The following DLG2 variants were observed in gnomAD, a reference collection of about 807,000 sequenced individuals.
DLG2 encodes the protein disks large homolog 2.
In DLG2, 45 loss-of-function variants were observed where a neutral mutation model predicts 132.5. The ratio of observed to expected loss-of-function variants is 0.34; its 90% CI spans 0.27 to 0.44. The LOEUF (loss-of-function observed/expected upper bound fraction) is 0.44. Among genes scored for constraint, DLG2 ranks in the 20% least tolerant of loss-of-function variants. The pLI, the probability that DLG2 is intolerant of heterozygous loss-of-function variation, is 1.00. For synonymous variants in DLG2, 424 were observed against 419.6 expected (o/e 1.01, Z -0.13); for missense variants, 1,045 against 1,196.9 (o/e 0.87, Z 1.87).
chr11:85,192,161 C>T (rs150499898), intron 4 of DLG2, among the ~76,000 whole-genome samples: 24 of 152,238 alleles, frequency 1.6e-4, no homozygotes, highest in African/African-American at 5.1e-4. Flanking sequence ...CCATTCTTTC[C>T]ACTTACTAGT....
chr11:84,502,450 C>A (rs11234051), intron 7 of DLG2, among the ~76,000 whole-genome samples: 8,059 of 130,566 alleles, frequency 0.062, 665 homozygotes, highest in African/African-American at 0.11. Context: ...AGGCTAAGTG[C>A]AGTGTCTCAA....
At chr11:85,051,099 G>A (rs555055831) in intron 6 of DLG2, among the ~76,000 whole-genome samples, 2 of 152,222 alleles carry the variant, frequency 1.3e-5, no homozygotes, top group African/African-American at 4.8e-5. Context: ...AATGCATTAA[G>A]TTCCTATTAT....
intron 11 of DLG2, among the ~76,000 whole-genome samples, chr11:84,052,687 C>CAAA (rs67140653): frequency 2.8e-4 from 35 of 125,280 alleles, no homozygotes; most frequent in Non-Finnish European, 3.8e-4. Flanking sequence ...ATTAAAAAGT[C>CAAA]AAAAAAAAAA....
intron 16 of DLG2, among the ~76,000 whole-genome samples, chr11:83,871,471 T>C (rs761479067): frequency 6.6e-6 from 1 of 152,186 alleles, no homozygotes; most frequent in Non-Finnish European, 1.5e-5. Context: ...ATTTAAAAAA[T>C]ATCCTATGTA....
At chr11:84,339,356 G>A (rs1229130343) in intron 7 of DLG2, among the ~76,000 whole-genome samples, 5 of 152,160 alleles carry the variant, frequency 3.3e-5, no homozygotes, top group Non-Finnish European at 2.9e-5. Flanking sequence ...AGTAGACCGT[G>A]TTCATCATTT....
intron 6 of DLG2, among the ~76,000 whole-genome samples, chr11:84,647,055 T>A (rs983608652): frequency 6.6e-6 from 1 of 152,070 alleles, no homozygotes; most frequent in African/African-American, 2.4e-5. Context: ...GAAGCATTTA[T>A]AACATATATA....
chr11:85,489,259 A>C (rs1468237538), intron 3 of DLG2, among the ~76,000 whole-genome samples: 1 of 152,226 alleles, frequency 6.6e-6, no homozygotes, highest in Non-Finnish European at 1.5e-5. Context: ...ACCAAAAACA[A>C]GCAAGAATAG....
At chr11:83,530,505 G>A (rs540984438) in intron 21 of DLG2, among the ~76,000 whole-genome samples, 1 of 151,824 alleles carries the variant, frequency 6.6e-6, no homozygotes, top group African/African-American at 2.4e-5. Flanking sequence ...ATAGAAAGAC[G>A]AAAGAAAGGA....
At chr11:85,086,253 T>G (rs1457331620) in intron 6 of DLG2, among the ~76,000 whole-genome samples, 1 of 152,136 alleles carries the variant, frequency 6.6e-6, no homozygotes. Context: ...TTAGTATAAT[T>G]GAGTCAAAGT....
At chr11:84,051,436 A>G (rs1331030945) in intron 11 of DLG2, among the ~76,000 whole-genome samples, 1 of 151,932 alleles carries the variant, frequency 6.6e-6, no homozygotes, top group Non-Finnish European at 1.5e-5. Flanking sequence ...ATGGAATACT[A>G]TGCAGCCATC....
intron 3 of DLG2, among the ~76,000 whole-genome samples, chr11:85,531,358 A>G (rs1353811269): frequency 3.3e-5 from 5 of 152,222 alleles, no homozygotes; most frequent in Admixed American, 1.3e-4. Flanking sequence ...GTGATTTAAG[A>G]ATAACTGCTA....
intron 18 of DLG2, among the ~76,000 whole-genome samples, chr11:83,718,976 C>T (rs745579838): frequency 1.3e-5 from 2 of 152,190 alleles, no homozygotes; most frequent in African/African-American, 4.8e-5. Flanking sequence ...CAGCAATTCT[C>T]AATCCTGCCC....
At chr11:84,280,240 T>C (rs2097839994) in intron 7 of DLG2, among the ~76,000 whole-genome samples, 1 of 151,936 alleles carries the variant, frequency 6.6e-6, no homozygotes, top group Non-Finnish European at 1.5e-5. Context: ...TTCATAGAAA[T>C]TAAAATAAAA....
chr11:84,400,443 C>T (rs1170644834), intron 7 of DLG2, among the ~76,000 whole-genome samples: 2 of 152,138 alleles, frequency 1.3e-5, no homozygotes, highest in Non-Finnish European at 2.9e-5. Context: ...ACTGCTGGCT[C>T]AAATCTAGTT....
At chr11:83,514,320 G>A (rs954049889) in intron 21 of DLG2, among the ~76,000 whole-genome samples, 1 of 151,956 alleles carries the variant, frequency 6.6e-6, no homozygotes, top group Admixed American at 6.6e-5. Flanking sequence ...TCATGATTTG[G>A]CTCTCTGTTT....
In DLG2 at chr11:85,392,036, A is replaced by G. The variant is rs143312174; in HGVS notation, c.41-106671T>C. On this transcript the variant is annotated intron_variant, in intron 3 of 27. Coordinates refer to ENST00000376104, the MANE Select transcript of DLG2 (RefSeq NM_001142699.3). ...GATGATGTGATTACATACCTAGAAA[A>G]CCCTAAAGACTCCTCCAGGAAGCTC... 2.1e-4 allele frequency among the ~76,000 whole-genome samples: 32 copies of G among 152,214 alleles called. No individual in the cohort carries two copies. In the East Asian group the frequency reaches 3.3e-3, roughly 16 times the overall value.
At chr11:85,542,530 C>T (rs945467839) in intron 3 of DLG2, among the ~76,000 whole-genome samples, 1 of 152,128 alleles carries the variant, frequency 6.6e-6, no homozygotes, top group Non-Finnish European at 1.5e-5. Flanking sequence ...GATACCATAT[C>T]TTCAATATCA....
At chr11:83,854,997 ACT>A (rs2060306069) in intron 16 of DLG2, among the ~76,000 whole-genome samples, 1 of 152,172 alleles carries the variant, frequency 6.6e-6, no homozygotes, top group African/African-American at 2.4e-5. Flanking sequence ...AAACAACTCA[ACT>A]AAAAATGGGC....
At chr11:84,233,344 C>T (rs375091200) in intron 8 of DLG2, among the ~76,000 whole-genome samples, 10 of 152,256 alleles carry the variant, frequency 6.6e-5, no homozygotes, top group East Asian at 5.8e-4. Context: ...TCTAGCAAAA[C>T]GCAGCCCAAG....
Sources: gnomAD v4.1 joint callset for allele counts (sites outside exome capture counted in the v4.1 genomes callset) on GRCh38, gnomAD v4.1.1 for gene constraint, MANE v1.5 for transcripts, NCBI Gene and HGNC (gene_info 2026-07-23, HGNC 2026-07-21) for gene names.